The following CAPN13 variants were observed in gnomAD, a reference collection of about 807,000 sequenced individuals.
CAPN13 encodes calpain 13.
Under a neutral mutation model 98.4 loss-of-function variants are expected in CAPN13, and 90 were observed. That is an observed-to-expected ratio of 0.92 (90% CI 0.77 to 1.09). The LOEUF (loss-of-function observed/expected upper bound fraction) is 1.09. CAPN13 is among the 50% of genes least tolerant of loss of function. The pLI is 0.00. For missense variants in CAPN13, 887 were observed against 841.3 expected, an observed-to-expected ratio of 1.05 and a Z score of -0.67; for synonymous variants, 330 against 305.5, an observed-to-expected ratio of 1.08 and a Z score of -0.84.
chr2:30,731,877 T>C (rs1396934260), intron 20 of CAPN13, among the ~76,000 whole-genome samples: 1 of 152,212 alleles, frequency 6.6e-6, no homozygotes, highest in Non-Finnish European at 1.5e-5. Flanking sequence ...CCTCGTGGCA[T>C]GGCGGTGAGA....
chr2:30,802,514 T>G (rs1343319842), intron 1 of CAPN13, among the ~76,000 whole-genome samples: 1 of 126,084 alleles, frequency 7.9e-6, no homozygotes, highest in Non-Finnish European at 1.6e-5. Context: ...CGTGTCTAAG[T>G]GAGTGAGTGA....
rs765043713 is a variant in CAPN13, at chr2:30,758,058, C to A, written c.854G>T (p.Arg285Leu). 1.9e-6 allele frequency: 3 copies of A among 1,610,536 alleles called. No individual in the cohort carries two copies. The highest frequency in any genetic ancestry group is 1.7e-5 in the Admixed American group (1 of 59,524). ...WGWGEAEWRG[R>L]WSDGSQEWEE... Reference sequence around the variant, plus strand: ...CCAGAAGCCATACCCATCACTCCAGCGCCCTCTCCATTCGGCCTCGCCCCA... The same window carrying A: ...CCAGAAGCCATACCCATCACTCCAGAGCCCTCTCCATTCGGCCTCGCCCCA... The change falls in exon 8 of 23, where the codon CGC becomes CTC. Residue 285 changes from arginine to leucine, a missense_variant. Arg to Leu is a moderately radical substitution (Grantham distance 102). Transcript: ENST00000295055.
chr2:30,747,692 C>A (rs1298825857), intron 11 of CAPN13, among the ~76,000 whole-genome samples: 1 of 152,214 alleles, frequency 6.6e-6, no homozygotes, highest in African/African-American at 2.4e-5. Flanking sequence ...AGCACTGGAG[C>A]CCTGGAACTC....
intron 17 of CAPN13, chr2:30,738,000 CA>C (rs1450833571): frequency 1.4e-4 from 80 of 561,348 alleles, no homozygotes; most frequent in Middle Eastern, 9.9e-4. Context: ...CACACACACA[CA>C]CACACCCCAG....
intron 1 of CAPN13, among the ~76,000 whole-genome samples, chr2:30,794,868 C>T (rs375870956): frequency 3.4e-4 from 52 of 151,880 alleles, no homozygotes; most frequent in South Asian, 1.5e-3. Flanking sequence ...TCAGTGGTTG[C>T]TCAGAAATGG....
At chr2:30,763,472 A>G (rs1436711505) in intron 6 of CAPN13, among the ~76,000 whole-genome samples, 5 of 152,226 alleles carry the variant, frequency 3.3e-5, no homozygotes, top group Non-Finnish European at 5.9e-5. Flanking sequence ...TGGGACATTC[A>G]CAGGAGTCAG....
chr2:30,725,842 A>G (rs1271892538), intron 22 of CAPN13, among the ~76,000 whole-genome samples: 3 of 152,220 alleles, frequency 2.0e-5, no homozygotes, highest in Non-Finnish European at 2.9e-5. Flanking sequence ...AAATTTTTCA[A>G]AAAAGTGAGG....
intron 8 of CAPN13, among the ~76,000 whole-genome samples, chr2:30,754,710 C>T (rs1267758303): frequency 6.6e-6 from 1 of 152,172 alleles, no homozygotes; most frequent in Non-Finnish European, 1.5e-5. Context: ...CCCTCTCTCA[C>T]ACCCCCACAT....
chr2:30,777,791 T>C (rs2148053650), intron 2 of CAPN13, among the ~76,000 whole-genome samples, 152 bp from the exon 3 acceptor site: 1 of 152,338 alleles, frequency 6.6e-6, no homozygotes, highest in East Asian at 1.9e-4. Flanking sequence ...CTTCAGCCTT[T>C]ATTGCTACCA....
chr2:30,775,132 T>A (rs1168507966), intron 4 of CAPN13, among the ~76,000 whole-genome samples: 1 of 152,202 alleles, frequency 6.6e-6, no homozygotes, highest in African/African-American at 2.4e-5. Flanking sequence ...AAGAAAGAAT[T>A]AAGAACTAAT....
intron 2 of CAPN13, among the ~76,000 whole-genome samples, chr2:30,782,850 G>T (rs1162845884): frequency 6.6e-6 from 1 of 152,172 alleles, no homozygotes; most frequent in African/African-American, 2.4e-5. Flanking sequence ...ATCGTGTACT[G>T]TCCAATATGG....
chr2:30,766,193 G>C (rs1324709275), intron 5 of CAPN13, among the ~76,000 whole-genome samples: 4 of 152,188 alleles, frequency 2.6e-5, no homozygotes, highest in African/African-American at 7.2e-5. Flanking sequence ...GCTTCAAACA[G>C]GGCTGTGCTA....
At chr2:30,762,193 A>C (rs1672882497) in intron 7 of CAPN13, among the ~76,000 whole-genome samples, 1 of 152,224 alleles carries the variant, frequency 6.6e-6, no homozygotes, top group Non-Finnish European at 1.5e-5. Context: ...ACCTCGTGAA[A>C]GACATCTCTC....
intron 4 of CAPN13, among the ~76,000 whole-genome samples, chr2:30,773,463 A>C (rs1276947218): frequency 3.9e-5 from 6 of 152,192 alleles, no homozygotes; most frequent in Non-Finnish European, 8.8e-5. Context: ...TGCTTTTTAT[A>C]AGAAACACAC....
chr2:30,745,588 G>A, intron 12 of CAPN13, 135 bp downstream of exon 12: 1 of 795,666 alleles, frequency 1.3e-6, no homozygotes, highest in Non-Finnish European at 2.0e-6. Flanking sequence ...TTCTAGGCCT[G>A]TGTCTGATGT....
intron 1 of CAPN13, among the ~76,000 whole-genome samples, chr2:30,795,568 A>G (rs1674816635): frequency 6.6e-6 from 1 of 152,074 alleles, no homozygotes; most frequent in Non-Finnish European, 1.5e-5. Flanking sequence ...TTGAGGAATG[A>G]ATATTCATAT....
chr2:30,730,989 C>T (rs545966663), intron 21 of CAPN13, among the ~76,000 whole-genome samples: 5 of 152,190 alleles, frequency 3.3e-5, no homozygotes, highest in African/African-American at 7.2e-5. Flanking sequence ...GGCAGTGAGA[C>T]GTATATATCT....
intron 22 of CAPN13, among the ~76,000 whole-genome samples, chr2:30,724,636 C>T (rs1231269579): frequency 6.6e-6 from 1 of 152,236 alleles, no homozygotes; most frequent in Non-Finnish European, 1.5e-5. Flanking sequence ...GCTGGACACC[C>T]TGGCATCTCA....
intron 4 of CAPN13, among the ~76,000 whole-genome samples, chr2:30,771,029 C>G (rs1260703463): frequency 6.6e-6 from 1 of 152,214 alleles, no homozygotes; most frequent in East Asian, 1.9e-4. Flanking sequence ...CTCTGGCCCC[C>G]CTCTTCTTCC....
Sources: gnomAD v4.1 joint callset for allele counts (sites outside exome capture counted in the v4.1 genomes callset) on GRCh38, gnomAD v4.1.1 for gene constraint, MANE v1.5 for transcripts, NCBI Gene and HGNC (gene_info 2026-07-23, HGNC 2026-07-21) for gene names.